The following KHDRBS2 variants were observed in gnomAD, a reference collection of about 807,000 sequenced individuals.
KHDRBS2 encodes the protein KH RNA binding domain containing, signal transduction associated 2, also known as KH domain-containing, RNA-binding, signal transduction-associated protein 2.
In KHDRBS2, 26 loss-of-function variants were observed where a neutral mutation model predicts 44.3. That is an observed-to-expected ratio of 0.59 (90% confidence interval 0.43 to 0.81). The LOEUF (loss-of-function observed/expected upper bound fraction) is 0.81, where lower values mean the gene tolerates loss of function less well. Ranked by LOEUF, KHDRBS2 falls within the 40% of genes least tolerant of loss-of-function variation. KHDRBS2 has a pLI of 0.00. For synonymous variants in KHDRBS2, 194 were observed against 151.1 expected, an observed-to-expected ratio of 1.28 and a Z score of -2.08; for missense variants, 476 against 433.1, an observed-to-expected ratio of 1.10 and a Z score of -0.88.
chr6:62,078,562 T>TA (rs1329036470), intron 2 of KHDRBS2, among the ~76,000 whole-genome samples: 1 of 151,976 alleles, frequency 6.6e-6, no homozygotes, highest in Non-Finnish European at 1.5e-5. Flanking sequence ...AAAAATATTT[T>TA]AATTTATAAT....
the KHDRBS2 span, among the ~76,000 whole-genome samples, chr6:61,669,679 A>G: frequency 6.6e-6 from 1 of 151,082 alleles, no homozygotes; most frequent in African/African-American, 2.4e-5. Context: ...GGGAGAATAT[A>G]CACAAACCTG....
intron 4 of KHDRBS2, among the ~76,000 whole-genome samples, chr6:61,963,885 A>C (rs1431979141): frequency 6.6e-6 from 1 of 152,050 alleles, no homozygotes; most frequent in Non-Finnish European, 1.5e-5. Context: ...AAATATTAAA[A>C]ATTAAGCTGA....
At chr6:61,848,556 T>TATAC (rs1410942920) in intron 6 of KHDRBS2, among the ~76,000 whole-genome samples, 3 of 34,538 alleles carry the variant, frequency 8.7e-5, no homozygotes, top group African/African-American at 1.8e-4. Context: ...TATATACATA[T>TATAC]ATATATGTAT....
chr6:61,653,454 G>GC, the KHDRBS2 span, among the ~76,000 whole-genome samples: 1 of 151,992 alleles, frequency 6.6e-6, no homozygotes, highest in Admixed American at 6.6e-5. Flanking sequence ...AATTTGTCCA[G>GC]CATGAGAGGC....
At chr6:61,701,239 A>G (rs1768605582) in intron 7 of KHDRBS2, among the ~76,000 whole-genome samples, 1 of 151,978 alleles carries the variant, frequency 6.6e-6, no homozygotes, top group Non-Finnish European at 1.5e-5. Context: ...AAGAGCTCAA[A>G]TAAGAATGGT....
intron 4 of KHDRBS2, among the ~76,000 whole-genome samples, chr6:61,955,211 T>C (rs111209845): frequency 0.013 from 1,883 of 145,150 alleles, 47 homozygotes; most frequent in African/African-American, 0.044. Flanking sequence ...TATATATGTA[T>C]ACATATGTGT....
chr6:62,129,260 G>T (rs187113923), intron 2 of KHDRBS2, among the ~76,000 whole-genome samples: 5 of 152,194 alleles, frequency 3.3e-5, no homozygotes, highest in Admixed American at 3.3e-4. Context: ...ATTTATAGAA[G>T]ACACACTGCA....
chr6:62,014,402 GT>G (rs1338946072), intron 3 of KHDRBS2, among the ~76,000 whole-genome samples: 1 of 152,096 alleles, frequency 6.6e-6, no homozygotes, highest in East Asian at 1.9e-4. Flanking sequence ...TGAGGATTTA[GT>G]TTATCAAAGG....
At chr6:61,716,064 T>C (rs1328577840) in intron 7 of KHDRBS2, among the ~76,000 whole-genome samples, 1 of 151,862 alleles carries the variant, frequency 6.6e-6, no homozygotes, top group Non-Finnish European at 1.5e-5. Context: ...CTGGCTGGAC[T>C]TGTGAGGTGC....
At chr6:61,887,684 T>C (rs1393429757) in intron 6 of KHDRBS2, among the ~76,000 whole-genome samples, 1 of 152,184 alleles carries the variant, frequency 6.6e-6, no homozygotes, top group Non-Finnish European at 1.5e-5. Flanking sequence ...AATTGACTCA[T>C]AGAGGGATTT....
Position 61,937,504 on chromosome 6 carries a change from T to A in KHDRBS2, c.484-36133A>T, listed in dbSNP as rs142220300. Among the ~76,000 whole-genome samples the A allele has an allele frequency of 3.7e-3, 558 of 152,218 alleles. 4 individuals are homozygous for A. The highest frequency in any genetic ancestry group is 0.017 in the Middle Eastern group (5 of 294). Reference sequence around the variant, plus strand: ...TATTGTTGACTTATCTTTGGTCTGATGTGTCTTATGTTTATTGAACTTCTT... The same window carrying A: ...TATTGTTGACTTATCTTTGGTCTGAAGTGTCTTATGTTTATTGAACTTCTT... On this transcript the variant is annotated intron_variant, in intron 4 of 8. Coordinates refer to ENST00000281156, the MANE Select transcript of KHDRBS2 (RefSeq NM_152688.4).
At chr6:61,759,693 C>T (rs1778994108) in intron 6 of KHDRBS2, among the ~76,000 whole-genome samples, 1 of 152,140 alleles carries the variant, frequency 6.6e-6, no homozygotes, top group Non-Finnish European at 1.5e-5. Flanking sequence ...TGTTTGATCT[C>T]TTTCATTTCC....
intron 6 of KHDRBS2, among the ~76,000 whole-genome samples, chr6:61,803,810 T>TA (rs1364867238): frequency 1.3e-5 from 2 of 152,032 alleles, no homozygotes; most frequent in Non-Finnish European, 2.9e-5. Context: ...AATCCCCTTA[T>TA]AAAACCATCA....
chr6:61,769,101 G>A (rs2127575466), intron 6 of KHDRBS2, among the ~76,000 whole-genome samples: 1 of 152,192 alleles, frequency 6.6e-6, no homozygotes, highest in African/African-American at 2.4e-5. Context: ...CATTTTTACA[G>A]TTTAATATGT....
chr6:61,856,015 T>C (rs1484081639), intron 6 of KHDRBS2, among the ~76,000 whole-genome samples: 2 of 152,118 alleles, frequency 1.3e-5, no homozygotes, highest in African/African-American at 2.4e-5. Context: ...GATATTACCA[T>C]TATTATGTCC....
chr6:62,025,073 A>C (rs1408209176), intron 3 of KHDRBS2, among the ~76,000 whole-genome samples: 3 of 151,754 alleles, frequency 2.0e-5, no homozygotes, highest in Non-Finnish European at 3.0e-5. Context: ...TATATCTAGA[A>C]ATCAGGAAAA....
chr6:62,095,045 T>C (rs551578823), intron 2 of KHDRBS2, among the ~76,000 whole-genome samples: 44 of 152,056 alleles, frequency 2.9e-4, no homozygotes, highest in Non-Finnish European at 2.9e-4. Flanking sequence ...CTATTTGGGG[T>C]CTTTTTTGGT....
At chr6:61,970,307 A>T (rs1185756682) in intron 4 of KHDRBS2, among the ~76,000 whole-genome samples, 1 of 147,000 alleles carries the variant, frequency 6.8e-6, no homozygotes, top group Non-Finnish European at 1.5e-5. Context: ...CTGATTAGTT[A>T]AAAAAAAACT....
At chr6:61,815,631 T>C (rs1788795094) in intron 6 of KHDRBS2, among the ~76,000 whole-genome samples, 2 of 152,178 alleles carry the variant, frequency 1.3e-5, no homozygotes, top group African/African-American at 4.8e-5. Context: ...TTCCATGACC[T>C]TGGAAATATG....
Sources: gnomAD v4.1 joint callset for allele counts (sites outside exome capture counted in the v4.1 genomes callset) on GRCh38, gnomAD v4.1.1 for gene constraint, MANE v1.5 for transcripts, NCBI Gene and HGNC (gene_info 2026-07-23, HGNC 2026-07-21) for gene names.